The following INTS10 variants were observed in gnomAD, a reference collection of about 807,000 sequenced individuals.
INTS10 encodes chromosome 8 open reading frame 35.
A neutral mutation model predicts 94.4 loss-of-function variants in INTS10; 44 were observed. That is an observed-to-expected ratio of 0.47 (90% CI 0.37 to 0.60). The LOEUF (loss-of-function observed/expected upper bound fraction) is 0.60. INTS10 is among the 20% of genes least tolerant of loss of function. The probability of loss-of-function intolerance (pLI) is 0.00; values close to 1 mark genes in which losing one functional copy is unlikely to be tolerated. For synonymous variants in INTS10, 341 were observed against 320.7 expected, an observed-to-expected ratio of 1.06 and a Z score of -0.68; for missense variants, 797 against 868.7, an observed-to-expected ratio of 0.92 and a Z score of 1.04.
intron 10 of INTS10, 75 bp from the exon 11 acceptor site, chr8:19,831,951 CTT>C (rs2067260887): frequency 2.3e-6 from 2 of 853,112 alleles, no homozygotes; most frequent in Non-Finnish European, 2.0e-6. Flanking sequence ...TCTCTTCTCT[CTT>C]ACTGGATTTG....
chr8:19,834,064 G>A (rs2067459990), intron 12 of INTS10, among the ~76,000 whole-genome samples: 1 of 151,864 alleles, frequency 6.6e-6, no homozygotes, highest in African/African-American at 2.4e-5. Context: ...AAATGGGTGT[G>A]TTTCCTCCAG....
chr8:19,842,746 CTT>C lies in INTS10; in HGVS notation c.1640-97_1640-96del, dbSNP rs1044312824. 1.9e-5 allele frequency: 13 copies of C among 674,158 alleles called. No homozygotes were observed. The African/African-American group carries it at 2.4e-4, about 12-fold the overall frequency. 41.8% of individuals were successfully genotyped at this position (674,158 alleles called of 1,614,324 possible). A position where few individuals can be genotyped will look rare whatever the true frequency, so the allele number is the denominator to read the frequency against. Reference sequence around the variant, plus strand: ...AAATTGTGTGACTGTTGCATATTCTCTTTTTTGTTGTTGTTAATGAAAGCATC... The same window carrying C: ...AAATTGTGTGACTGTTGCATATTCTCTTTTGTTGTTGTTAATGAAAGCATC... On this transcript the variant is annotated intron_variant, in intron 13 of 16. Transcript: ENST00000397977.
rs2066662241 is a variant in INTS10, at chr8:19,824,790, C to T, written c.837-13C>T. ...GAGTAATCAAATAAGTTTCATCATT[C>T]CTTCCTTTTTAGAAGCTATGGAGAT... On this transcript the variant is annotated splice_polypyrimidine_tract_variant and intron_variant, in intron 7 of 16. Coordinates refer to ENST00000397977, the MANE Select transcript of INTS10 (RefSeq NM_018142.4). The T allele has an allele frequency of 5.0e-6, 8 of 1,587,574 alleles. No homozygotes were observed. The highest frequency in any genetic ancestry group is 6.0e-6 in the Non-Finnish European group (7 of 1,162,806).
chr8:19,835,890 C>A (rs1429431059), intron 12 of INTS10, among the ~76,000 whole-genome samples: 1 of 152,130 alleles, frequency 6.6e-6, no homozygotes, highest in African/African-American at 2.4e-5. Flanking sequence ...TGTGCCACAA[C>A]ATGAAAAGGG....
Position 19,818,266 on chromosome 8 carries a change from G to A in INTS10, c.130-9G>A, listed in dbSNP as rs1032888426. 16 of 1,613,312 alleles carry A rather than the reference G, an allele frequency of 9.9e-6. No individual in the cohort carries two copies. Among genetic ancestry groups the A allele is most frequent in the African/African-American group, 2.7e-5 (2 of 74,946 alleles). On this transcript the variant is annotated splice_polypyrimidine_tract_variant and intron_variant, in intron 1 of 16. Coordinates refer to ENST00000397977, the MANE Select transcript of INTS10 (RefSeq NM_018142.4). ...GGTGAGTGACCAGGGTGCCTGATGT[G>A]TGTTGCAGTATGAGATGTACACCAT... is the stretch of plus-strand genomic sequence containing the variant.
At chr8:19,831,961 T>C (rs2067261553) in intron 10 of INTS10, 67 bp from the exon 11 acceptor site, 1 of 901,448 alleles carries the variant, frequency 1.1e-6, no homozygotes, top group African/African-American at 1.6e-5. Flanking sequence ...CTTACTGGAT[T>C]TGTTAGTTTG....
rs373922817 is a variant in INTS10, at chr8:19,843,794, T to C, written c.1720-282T>C. 2.9e-4 allele frequency among the ~76,000 whole-genome samples: 44 copies of C among 152,284 alleles called. No homozygotes were observed. The highest frequency in any genetic ancestry group is 1.0e-3 in the African/African-American group (43 of 41,570). ...CAGAGTTCTCTGCCCCTGATTCTCA[T>C]ATGCAAAAGCTTCAGGCCCACCCAT... On this transcript the variant is annotated intron_variant, in intron 14 of 16. Coordinates refer to ENST00000397977, the MANE Select transcript of INTS10 (RefSeq NM_018142.4). This position sits in a 1 kb window ranked among gnomAD's most constrained non-coding sequence, Gnocchi z 4.7.
At chr8:19,833,488 G>A (rs987551229) in intron 12 of INTS10, among the ~76,000 whole-genome samples, 167 bp downstream of exon 12, 11 of 152,270 alleles carry the variant, frequency 7.2e-5, no homozygotes, top group Middle Eastern at 3.4e-3. Flanking sequence ...TTTGTTTTAC[G>A]TAATTTTCTC....
intron 12 of INTS10, among the ~76,000 whole-genome samples, chr8:19,834,554 A>G (rs2067500273): frequency 6.6e-6 from 1 of 152,236 alleles, no homozygotes; most frequent in Non-Finnish European, 1.5e-5. Context: ...TCATTGTAGT[A>G]GGGAATATAA....
chr8:19,833,729 C>T (rs11779896), intron 12 of INTS10, among the ~76,000 whole-genome samples: 9,710 of 152,154 alleles, frequency 0.064, 342 homozygotes, highest in Non-Finnish European at 0.072. Context: ...ATAACACGCC[C>T]GGGTGTGGTG....
At chr8:19,840,932 G>C (rs146086967) in intron 13 of INTS10, among the ~76,000 whole-genome samples, 1 of 152,312 alleles carries the variant, frequency 6.6e-6, no homozygotes, top group East Asian at 1.9e-4. Context: ...GTAATGCTAA[G>C]TTAGTTTCCA....
chr8:19,834,853 G>A (rs1192056715), intron 12 of INTS10, among the ~76,000 whole-genome samples: 1 of 152,108 alleles, frequency 6.6e-6, no homozygotes, highest in Non-Finnish European at 1.5e-5. Flanking sequence ...GGAAGTCCAA[G>A]GTGAAGGCAT....
intron 10 of INTS10, among the ~76,000 whole-genome samples, chr8:19,831,818 G>C (rs1174522716): frequency 6.6e-6 from 1 of 152,194 alleles, no homozygotes; most frequent in African/African-American, 2.4e-5. Context: ...TAAGTTGTTA[G>C]CATCTACAAA....
chr8:19,822,948 C>CAA (rs150654357), intron 5 of INTS10, among the ~76,000 whole-genome samples: 13 of 119,176 alleles, frequency 1.1e-4, no homozygotes, highest in South Asian at 2.6e-4. Context: ...GACTCTGTCT[C>CAA]AAAAAAAAAA....
At chr8:19,830,084 T>C (rs1232896926) in intron 9 of INTS10, among the ~76,000 whole-genome samples, 1 of 152,200 alleles carries the variant, frequency 6.6e-6, no homozygotes, top group Non-Finnish European at 1.5e-5. Context: ...GCTGTGTCTC[T>C]CAATGTAAAA....
intron 10 of INTS10, among the ~76,000 whole-genome samples, chr8:19,831,254 T>G (rs1018081294): frequency 2.0e-5 from 3 of 152,240 alleles, no homozygotes; most frequent in Non-Finnish European, 4.4e-5. Context: ...CACCGTTCAG[T>G]TTCTCTTTGT....
In INTS10 at chr8:19,851,747, T is replaced by C; in HGVS notation, c.2075T>C (p.Val692Ala). The part of the protein sequence containing the change: ...QVSRCGENLM[V>A]VLHRFCINEK... Reference sequence around the variant, plus strand: ...TCCCGCTGTGGAGAGAATCTGATGGTGGTTCTGCACAGGTTCTGCATTAAT... The same window carrying C: ...TCCCGCTGTGGAGAGAATCTGATGGCGGTTCTGCACAGGTTCTGCATTAAT... Residue 692 changes from valine to alanine, a missense_variant, in exon 17 of 17, where the codon GTG becomes GCG. Around this residue, in one of 3 missense-constraint regions of INTS10, gnomAD observed 47 missense variants for 41.8 expected, o/e 1.12. Coordinates refer to ENST00000397977, the MANE Select transcript of INTS10 (RefSeq NM_018142.4). The surrounding 1 kb of genome is among the most constrained non-coding windows in gnomAD (Gnocchi z 5.0). 1.2e-6 allele frequency: 2 copies of C among 1,614,070 alleles called. No individual in the cohort carries two copies. Among genetic ancestry groups the C allele is most frequent in the Non-Finnish European group, 1.7e-6 (2 of 1,179,940 alleles).
chr8:19,848,348 C>T (rs2068747928), intron 16 of INTS10, among the ~76,000 whole-genome samples: 2 of 152,124 alleles, frequency 1.3e-5, no homozygotes, highest in South Asian at 2.1e-4. Flanking sequence ...TGAGGGCACC[C>T]GGTGCTTCAC....
Position 19,823,450 on chromosome 8 carries a change from G to T in INTS10, c.664+9G>T. 1 of 1,572,954 alleles carries T rather than the reference G, an allele frequency of 6.4e-7. No homozygotes were observed. Among genetic ancestry groups the T allele is most frequent in the South Asian group, 1.1e-5 (1 of 89,792 alleles). ...AGAAAATCAGCATCAAGGTAAGTAG[G>T]AATACCCTGTACTTTTACTTAAATA... On this transcript the variant is annotated intron_variant, in intron 6 of 16. Coordinates refer to ENST00000397977, the MANE Select transcript of INTS10 (RefSeq NM_018142.4).
Sources: gnomAD v4.1 joint callset for allele counts (sites outside exome capture counted in the v4.1 genomes callset) on GRCh38, gnomAD v4.1.1 for gene constraint, gnomAD v4.1.1 regional missense constraint, Gnocchi (gnomAD v3.1) non-coding constraint, MANE v1.5 for transcripts, NCBI Gene and HGNC (gene_info 2026-07-23, HGNC 2026-07-21) for gene names.